Variants in ATP2A1 observed in about 807,000 individuals in gnomAD.
The protein encoded by ATP2A1 is ATPase sarcoplasmic/endoplasmic reticulum Ca2+ transporting 1, also known as sarcoplasmic/endoplasmic reticulum calcium ATPase 1.
A neutral mutation model predicts 109.5 loss-of-function variants in ATP2A1; 83 were observed. That is an observed-to-expected ratio of 0.76 (90% CI 0.63 to 0.91). ATP2A1 has a LOEUF of 0.91. Among genes scored for constraint, ATP2A1 ranks in the 40% least tolerant of loss-of-function variants. The probability of loss-of-function intolerance (pLI) is 0.00; values close to 1 mark genes in which losing one functional copy is unlikely to be tolerated. For synonymous variants in ATP2A1, 505 were observed against 537.6 expected (o/e 0.94, Z 0.84); for missense variants, 1,101 against 1,341.0 (o/e 0.82, Z 2.80).
rs969258495 is a variant in ATP2A1, at chr16:28,880,832, C to G, written c.220-83C>G. The G allele has an allele frequency of 2.3e-6, 3 of 1,331,538 alleles. No homozygotes were observed. The highest frequency in any genetic ancestry group is 2.2e-6 in the Non-Finnish European group (2 of 924,108). 82.5% of individuals were successfully genotyped at this position (1,331,538 alleles called of 1,614,324 possible). Reference sequence around the variant, plus strand: ...GGCTCCTGCACTCTCCTGCACAGTTCTCCCCTTTGCAGTGGTCCACTTCCT... The same window carrying G: ...GGCTCCTGCACTCTCCTGCACAGTTGTCCCCTTTGCAGTGGTCCACTTCCT... On this transcript the variant is annotated intron_variant, in intron 3 of 22. Coordinates refer to ENST00000395503, the MANE Select transcript of ATP2A1 (RefSeq NM_004320.6). The surrounding 1 kb of genome is among the most constrained non-coding windows in gnomAD (Gnocchi z 4.2).
chr16:28,884,461 C>G, intron 5 of ATP2A1, 114 bp from the exon 6 acceptor site: 2 of 1,047,186 alleles, frequency 1.9e-6, no homozygotes, highest in Non-Finnish European at 2.9e-6. Flanking sequence ...TGGGAGCCTC[C>G]CTGAGACCTG....
rs542466037 is a variant in ATP2A1, at chr16:28,903,733, G to A, written c.*29G>A. 35 of 1,613,610 alleles carry A rather than the reference G, an allele frequency of 2.2e-5. No homozygotes were observed. Among genetic ancestry groups the A allele is most frequent in the South Asian group, 1.3e-4 (12 of 91,078 alleles). On this transcript the variant is annotated 3_prime_UTR_variant, in exon 22 of 23. Transcript: ENST00000395503. The surrounding 1 kb of genome is among the most constrained non-coding windows in gnomAD (Gnocchi z 5.6). The stretch of plus-strand genomic sequence containing the variant: ...TTCCCCCTCCTCCATCTCTGAGCCC[G>A]TGTCACAGGTATCACCCCCTTCTTG...
intron 2 of ATP2A1, 90 bp downstream of exon 2, chr16:28,879,206 T>C: frequency 6.7e-7 from 1 of 1,492,896 alleles, no homozygotes; most frequent in Non-Finnish European, 9.3e-7. Flanking sequence ...TTAGATTCTT[T>C]GAGCAAATAT....
Position 28,880,172 on chromosome 16 carries a change from A to C in ATP2A1, c.219+589A>C. The C allele has an allele frequency of 2.0e-6, 2 of 978,364 alleles. No individual in the cohort carries two copies. Among genetic ancestry groups the C allele is most frequent in the Non-Finnish European group, 2.4e-6 (2 of 822,974 alleles). The allele number at this position is 978,364 out of a possible 1,614,324, so 60.6% of individuals were successfully genotyped here. ...TTCCCCGCGCTCCCTAGGCACCCCCACCCCCGCAGGGCATCTCCAGGGCTC... is the reference window on the plus strand; with the variant it reads ...TTCCCCGCGCTCCCTAGGCACCCCCCCCCCCGCAGGGCATCTCCAGGGCTC... On this transcript the variant is annotated intron_variant, in intron 3 of 22. Coordinates refer to ENST00000395503, the MANE Select transcript of ATP2A1 (RefSeq NM_004320.6). The surrounding 1 kb of genome is among the most constrained non-coding windows in gnomAD (Gnocchi z 4.2).
At position 28,904,183 on chromosome 16, in the gene ATP2A1, CAGA is replaced by C. The variant is rs769496855; in HGVS notation, c.*45_*47del. The C allele has an allele frequency of 2.5e-6, 4 of 1,611,658 alleles. No individual in the cohort carries two copies. The highest frequency in any genetic ancestry group is 3.4e-6 in the Non-Finnish European group (4 of 1,177,924). ...TCCCTTCTCTTTCCCCTTCCAGATC[CAGA>C]AGATGAAAGAAGGAAGTGAGCATCC... On this transcript the variant is annotated 3_prime_UTR_variant, in exon 23 of 23. Transcript: ENST00000395503.
At chr16:28,895,064 C>A in intron 12 of ATP2A1, 111 bp downstream of exon 12, 1 of 1,499,646 alleles carries the variant, frequency 6.7e-7, no homozygotes, top group Non-Finnish European at 9.1e-7. Context: ...TGGGACCCCA[C>A]CCAGGCAGCA....
intron 6 of ATP2A1, among the ~76,000 whole-genome samples, chr16:28,886,223 G>C (rs1963610612): frequency 1.3e-5 from 2 of 152,260 alleles, no homozygotes; most frequent in South Asian, 2.1e-4. Flanking sequence ...TGTAGTCCCA[G>C]TTGTTTGGGA....
In ATP2A1 at chr16:28,898,004, TC is replaced by T. The variant is rs1963964675; in HGVS notation, c.1426del (p.Arg476AlafsTer3). 6.2e-7 allele frequency: 1 copy of T among 1,614,032 alleles called. No individual in the cohort carries two copies. Among genetic ancestry groups the T allele is most frequent in the Admixed American group, 1.7e-5 (1 of 59,996 alleles). On this transcript the variant is annotated frameshift_variant, in exon 13 of 23. Transcript: ENST00000395503. LOFTEE classifies it high-confidence loss of function. This position sits in a 1 kb window ranked among gnomAD's most constrained non-coding sequence, Gnocchi z 4.0. Reference protein sequence around the residue: ...VERANACNSVIRQLMKKEFTL... With the variant: ...VERANACNSVXRQLMKKEFTL... ...CCCTCCCTGTCTCCTCTCCAGGTGA[TC>T]CGCCAGCTAATGAAGAAGGAATTCA... is the stretch of plus-strand genomic sequence containing the variant.
chr16:28,897,970 A>G, intron 12 of ATP2A1, 30 bp from the exon 13 acceptor site: 2 of 1,613,750 alleles, frequency 1.2e-6, no homozygotes, highest in Non-Finnish European at 1.7e-6. Flanking sequence ...TTTTAAGAGG[A>G]CTGGTCTCCC....
At chr16:28,891,333 G>A (rs1464301114) in intron 9 of ATP2A1, among the ~76,000 whole-genome samples, 3 of 151,642 alleles carry the variant, frequency 2.0e-5, no homozygotes, top group Admixed American at 1.3e-4. Flanking sequence ...AGTGGCTCAC[G>A]ACTGTAATCC....
chr16:28,879,560 C>T lies in ATP2A1; in HGVS notation c.196C>T (p.Leu66Phe). The change falls in exon 3 of 23, where the codon CTC (leucine) becomes TTC (phenylalanine). Residue 66 changes from leucine (L) to phenylalanine (F), a missense_variant. Transcript: ENST00000395503. ...TGAAGACCTCCTGGTGCGGATTCTC[C>T]TCCTGGCCGCATGCATTTCCTTCGT... The part of the protein sequence containing the change: ...QFEDLLVRIL[L>F]LAACISFVLA... 2 of 1,614,162 alleles carry T rather than the reference C, an allele frequency of 1.2e-6. No homozygotes were observed. Among genetic ancestry groups the T allele is most frequent in the East Asian group, 2.2e-5 (1 of 44,874 alleles).
rs769966625 is a variant in ATP2A1 at position 28,904,392 on chromosome 16, G to A, written c.*250G>A. The stretch of plus-strand genomic sequence containing the variant: ...CTTGTAAATTCCCCTTCCCAACCCC[G>A]AGGGGCTTGCAGGGACAAGGCGACC... On this transcript the variant is annotated 3_prime_UTR_variant, in exon 23 of 23. Transcript: ENST00000395503. The A allele has an allele frequency of 7.8e-6, 12 of 1,535,868 alleles. No homozygotes were observed. The highest frequency in any genetic ancestry group is 1.4e-5 in the African/African-American group (1 of 72,972).
intron 10 of ATP2A1, 103 bp downstream of exon 10, chr16:28,894,346 C>T: frequency 1.5e-6 from 2 of 1,342,672 alleles, no homozygotes; most frequent in Non-Finnish European, 2.1e-6. Context: ...TCACTCTCCT[C>T]TTCCTCCCCG....
chr16:28,881,818 G>A (rs62037372), intron 4 of ATP2A1, among the ~76,000 whole-genome samples: 19 of 136,998 alleles, frequency 1.4e-4, no homozygotes, highest in Non-Finnish European at 2.2e-4. Flanking sequence ...AAAAAAAAGA[G>A]AGAAATAGCA....
rs1264529080 is a variant in ATP2A1, at chr16:28,894,008, T to A, written c.1096-147T>A. 2.1e-5 allele frequency: 14 copies of A among 680,238 alleles called. 1 individual carries two copies. In the South Asian group the frequency reaches 2.2e-4, roughly 11 times the overall value. The allele number at this position is 680,238 out of a possible 1,614,324, so 42.1% of individuals were successfully genotyped here. A position where few individuals can be genotyped will look rare whatever the true frequency, so the allele number is the denominator to read the frequency against. On this transcript the variant is annotated intron_variant, in intron 9 of 22. Coordinates refer to ENST00000395503, the MANE Select transcript of ATP2A1 (RefSeq NM_004320.6). ...TTGCAACAGCTTGGTGGGAAGTGGG[T>A]AGGGTATACGGGGGGGATGAGGAGG...
rs1223538315 is a variant in ATP2A1, at chr16:28,898,995, CAAAA to C, written c.1764+546_1764+549del. Among the ~76,000 whole-genome samples, 6 of 151,368 alleles carry C rather than the reference CAAAA, an allele frequency of 4.0e-5. No individual in the cohort carries two copies. In the South Asian group the frequency reaches 1.2e-3, roughly 31 times the overall value. ...AGGCCCTGTCTCTAAAAACAAAAAA[CAAAA>C]ACACACACACACACACACAAAAGAG... On this transcript the variant is annotated intron_variant, in intron 14 of 22. Transcript: ENST00000395503. This position sits in a 1 kb window ranked among gnomAD's most constrained non-coding sequence, Gnocchi z 4.0.
chr16:28,903,185 C>A lies in ATP2A1; in HGVS notation c.2862+38C>A, dbSNP rs773713571. The A allele has an allele frequency of 6.2e-6, 10 of 1,608,194 alleles. No homozygotes were observed. Among genetic ancestry groups the A allele is most frequent in the South Asian group, 2.2e-5 (2 of 90,998 alleles). On this transcript the variant is annotated intron_variant, in intron 20 of 22. Transcript: ENST00000395503. This position sits in a 1 kb window ranked among gnomAD's most constrained non-coding sequence, Gnocchi z 5.6. ...CCGCCCAGGGCCGCCCACCCCAGCA[C>A]TGGGGAGCCCACGGCGGGCCCATGA...
At chr16:28,885,821 G>A (rs1318332138) in intron 6 of ATP2A1, among the ~76,000 whole-genome samples, 3 of 152,072 alleles carry the variant, frequency 2.0e-5, no homozygotes, top group Non-Finnish European at 1.5e-5. Context: ...ATCCTCCAGG[G>A]AGGAGCCATG....
intron 3 of ATP2A1, 87 bp downstream of exon 3, chr16:28,879,670 CGTCCGA>C (rs1462230196): frequency 4.2e-6 from 6 of 1,422,124 alleles, no homozygotes; most frequent in Non-Finnish European, 5.8e-6. Flanking sequence ...TGGATCCTCC[CGTCCGA>C]GTCCCGAGCA....
Sources: allele counts gnomAD v4.1 joint callset (sites outside exome capture counted in the v4.1 genomes callset), GRCh38; gene constraint gnomAD v4.1.1; non-coding constraint Gnocchi (gnomAD v3.1); transcripts MANE v1.5; gene names NCBI Gene and HGNC (gene_info 2026-07-23, HGNC 2026-07-21).